Variants in PLXND1 observed in about 807,000 individuals in gnomAD.
The protein encoded by PLXND1 is plexin-D1.
Under a neutral mutation model 197.7 loss-of-function variants are expected in PLXND1, and 54 were observed. The ratio of observed to expected loss-of-function variants is 0.27; its 90% CI spans 0.22 to 0.34. PLXND1 has a LOEUF of 0.34. Ranked by LOEUF, PLXND1 falls within the 10% of genes least tolerant of loss-of-function variation. The pLI is 1.00. For missense variants in PLXND1, 2,127 were observed against 2,699.2 expected (o/e 0.79, Z 4.70); for synonymous variants, 1,180 against 1,161.2 (o/e 1.02, Z -0.33).
In PLXND1 at chr3:129,583,418, C is replaced by T. The variant is rs114682038; in HGVS notation, c.2241+149G>A. 4.0e-3 allele frequency: 2,384 copies of T among 602,836 alleles called. 45 individuals carry two copies. Among genetic ancestry groups the T allele is most frequent in the African/African-American group, 0.037 (1,986 of 53,690 alleles). The allele number at this position is 602,836 out of a possible 1,614,324, so 37.3% of individuals were successfully genotyped here. On this transcript the variant is annotated intron_variant, in intron 8 of 35. Coordinates refer to ENST00000324093, the MANE Select transcript of PLXND1 (RefSeq NM_015103.3). The stretch of plus-strand genomic sequence containing the variant: ...GTCCAACTATAGGGCATGGGTTAAA[C>T]GCACCGTGGTATGTGATGAGCCCCA...
intron 15 of PLXND1, 80 bp downstream of exon 15, chr3:129,572,529 G>T: frequency 7.8e-7 from 1 of 1,274,438 alleles, no homozygotes; most frequent in Non-Finnish European, 1.0e-6. Flanking sequence ...TTGGCTCAAG[G>T]ATGTCACCTC....
rs559130760 is a variant in PLXND1 at position 129,605,324 on chromosome 3, T to G, written c.1311+5A>C. ...GCCGCCGCCGCCGCCACCGCCCGGG[T>G]GTACCTGGATGTTGAGCTTGCGCTC... is the stretch of plus-strand genomic sequence containing the variant. On this transcript the variant is annotated splice_donor_5th_base_variant and intron_variant, in intron 1 of 35. Transcript: ENST00000324093. 6.7e-6 allele frequency: 9 copies of G among 1,349,830 alleles called. No individual in the cohort carries two copies. The African/African-American group carries it at 1.1e-4, about 16-fold the overall frequency. 83.6% of individuals were successfully genotyped at this position (1,349,830 alleles called of 1,614,324 possible). A position where few individuals can be genotyped will look rare whatever the true frequency, so the allele number is the denominator to read the frequency against.
At chr3:129,572,496 G>T (rs2085248603) in intron 15 of PLXND1, 113 bp downstream of exon 15, 14 of 921,712 alleles carry the variant, frequency 1.5e-5, no homozygotes, top group Non-Finnish European at 2.0e-5. Flanking sequence ...AGGGGACACA[G>T]CCAATGAAGA....
chr3:129,572,793 G>T, intron 14 of PLXND1, 45 bp from the exon 15 acceptor site: 1 of 1,611,716 alleles, frequency 6.2e-7, no homozygotes, highest in South Asian at 1.1e-5. Context: ...CAGCCCCCGG[G>T]AGTGTGCGTG....
chr3:129,570,988 A>C (rs2244962), intron 18 of PLXND1, 52 bp downstream of exon 18: 1 of 1,613,032 alleles, frequency 6.2e-7, no homozygotes, highest in Non-Finnish European at 8.5e-7. Context: ...CGAGGCCCAC[A>C]GCTGAGGCTG....
At chr3:129,563,349 TTTTGG>T in intron 25 of PLXND1, 109 bp from the exon 26 acceptor site, 3 of 879,004 alleles carry the variant, frequency 3.4e-6, no homozygotes, top group Non-Finnish European at 5.1e-6. Context: ...AACAGTCTCC[TTTTGG>T]ATCCTGGTGT....
intron 1 of PLXND1, among the ~76,000 whole-genome samples, chr3:129,604,181 G>A (rs1235710533): frequency 6.6e-6 from 1 of 151,936 alleles, no homozygotes; most frequent in African/African-American, 2.4e-5. Flanking sequence ...ATGCCTGCCT[G>A]TACTCCTCCT....
intron 1 of PLXND1, among the ~76,000 whole-genome samples, chr3:129,603,942 G>A (rs966649490): frequency 1.3e-5 from 2 of 152,136 alleles, no homozygotes; most frequent in African/African-American, 2.4e-5. Context: ...TGGAGGGTGT[G>A]GGAAAGGCCC....
chr3:129,605,645 T>C lies in PLXND1; in HGVS notation c.995A>G (p.Lys332Arg). 1 of 1,536,530 alleles carries C rather than the reference T, an allele frequency of 6.5e-7. No homozygotes were observed. The highest frequency in any genetic ancestry group is 1.7e-4 in the Middle Eastern group (1 of 5,970). ...CTGGATGTAGGACTCGGTGAGCTTCTTGGCGTCGCCGCCGGCGCCGTGGGG... is the reference window on the plus strand; with the variant it reads ...CTGGATGTAGGACTCGGTGAGCTTCCTGGCGTCGCCGCCGGCGCCGTGGGG... ...CLPHGAGGDA[K>R]KLTESYIQLG... The change falls in exon 1 of 36, where the codon AAG becomes AGG. Residue 332 changes from lysine to arginine, a missense_variant. This residue lies in a region of PLXND1 where 1,095 missense variants were observed against 1,259.8 expected (regional missense o/e 0.87). Coordinates refer to ENST00000324093, the MANE Select transcript of PLXND1 (RefSeq NM_015103.3).
At chr3:129,597,013 T>C (rs1353131359) in intron 1 of PLXND1, among the ~76,000 whole-genome samples, 1 of 152,232 alleles carries the variant, frequency 6.6e-6, no homozygotes, top group Non-Finnish European at 1.5e-5. Flanking sequence ...AACAGTTCGG[T>C]AGAGTGACAG....
At position 129,558,216 on chromosome 3, in the gene PLXND1, C is replaced by T. The variant is rs368615466; in HGVS notation, c.5445+212G>A. ...TGCAGCATGTGCAGTTGGTCTGCAG[C>T]GATACAGAGTTTCTGATGGAAGGTA... On this transcript the variant is annotated intron_variant, in intron 33 of 35. Coordinates refer to ENST00000324093, the MANE Select transcript of PLXND1 (RefSeq NM_015103.3). The surrounding 1 kb of genome is among the most constrained non-coding windows in gnomAD (Gnocchi z 4.1). Among the ~76,000 whole-genome samples, 15 of 152,304 alleles carry T rather than the reference C, an allele frequency of 9.8e-5. No individual in the cohort carries two copies. The highest frequency in any genetic ancestry group is 8.3e-4 in the South Asian group (4 of 4,828).
rs75438273 is a variant in PLXND1, at chr3:129,565,619, C to G, written c.4323-81G>C. On this transcript the variant is annotated intron_variant, in intron 24 of 35. Coordinates refer to ENST00000324093, the MANE Select transcript of PLXND1 (RefSeq NM_015103.3). ...CCAGGGTCTCAGTGCCGCCTCATCC[C>G]CGGGCCCATCGATCCCAGGAGTGCC... 2.5e-3 allele frequency: 3,131 copies of G among 1,258,916 alleles called. 57 individuals are homozygous for G. The African/African-American group carries it at 0.038, about 15-fold the overall frequency. 78.0% of individuals were successfully genotyped at this position (1,258,916 alleles called of 1,614,324 possible). A position where few individuals can be genotyped will look rare whatever the true frequency, so the allele number is the denominator to read the frequency against.
At chr3:129,587,444 C>G (rs557579059) in intron 2 of PLXND1, among the ~76,000 whole-genome samples, 1 of 152,210 alleles carries the variant, frequency 6.6e-6, no homozygotes, top group Non-Finnish European at 1.5e-5. Context: ...GGACCCTCTG[C>G]GTGTCCTCCT....
At chr3:129,589,150 G>A (rs763707114) in intron 2 of PLXND1, among the ~76,000 whole-genome samples, 111 of 152,146 alleles carry the variant, frequency 7.3e-4, no homozygotes, top group Non-Finnish European at 1.4e-3. Flanking sequence ...TCCTCTGTAT[G>A]GACGCCACCT....
intron 1 of PLXND1, among the ~76,000 whole-genome samples, chr3:129,601,366 G>C (rs2085705660): frequency 6.6e-6 from 1 of 152,208 alleles, no homozygotes; most frequent in South Asian, 2.1e-4. Flanking sequence ...AGTCCTGTCA[G>C]CTGGGAACCC....
rs2108761830 is a variant in PLXND1, at chr3:129,558,533, C to T, written c.5340G>A (p.Gln1780=). The stretch of plus-strand genomic sequence containing the variant: ...CTGTCTTGTCGATGTCAAAGACAAA[C>T]TGGGGGTTCTTCAGGATGTTCACCC... The part of the protein sequence containing the change: ...RFWVNILKNP[Q]FVFDIDKTDH... Residue 1780 remains glutamine (Q), a synonymous_variant, in exon 33 of 36, where the codon CAG becomes CAA. Transcript: ENST00000324093. The surrounding 1 kb of genome is among the most constrained non-coding windows in gnomAD (Gnocchi z 4.1). 1 of 1,614,028 alleles carries T rather than the reference C, an allele frequency of 6.2e-7. No individual in the cohort carries two copies. The highest frequency in any genetic ancestry group is 8.5e-7 in the Non-Finnish European group (1 of 1,179,998).
Position 129,556,319 on chromosome 3 carries a change from T to A in PLXND1, c.5771A>T (p.Glu1924Val). The change falls in exon 36 of 36, where the codon GAG becomes GTG. Residue 1924 changes from glutamate to valine, a missense_variant. By Grantham distance (121) the Glu-to-Val change is moderately radical. Coordinates refer to ENST00000324093, the MANE Select transcript of PLXND1 (RefSeq NM_015103.3). ...MEDNIYECYSEA is the reference protein window; with the variant it reads ...MEDNIYECYSVA The stretch of plus-strand genomic sequence containing the variant: ...ACCAACTCTCCATGTGTCTCAGGCC[T>A]CACTGTAGCACTCGTAGATGTTGTC... The A allele has an allele frequency of 6.2e-7, 1 of 1,605,958 alleles. No homozygotes were observed. Among genetic ancestry groups the A allele is most frequent in the African/African-American group, 1.3e-5 (1 of 74,900 alleles).
At chr3:129,584,583 G>A (rs774449157) in intron 5 of PLXND1, 21 bp from the exon 6 acceptor site, 7 of 1,585,466 alleles carry the variant, frequency 4.4e-6, no homozygotes, top group Middle Eastern at 3.4e-4. Flanking sequence ...GGAGCCCTCA[G>A]CTCTGGGGGT....
intron 8 of PLXND1, among the ~76,000 whole-genome samples, chr3:129,581,231 T>C (rs922671003): frequency 6.6e-6 from 1 of 152,186 alleles, no homozygotes; most frequent in Non-Finnish European, 1.5e-5. Flanking sequence ...CTTCATTAAA[T>C]GCCAAATTAA....
Sources: gnomAD v4.1 joint callset for allele counts (sites outside exome capture counted in the v4.1 genomes callset) on GRCh38, gnomAD v4.1.1 for gene constraint, gnomAD v4.1.1 regional missense constraint, Gnocchi (gnomAD v3.1) non-coding constraint, MANE v1.5 for transcripts, NCBI Gene and HGNC (gene_info 2026-07-23, HGNC 2026-07-21) for gene names.